C2CD3: variants seen among roughly 807,000 people sequenced by gnomAD.
C2CD3 encodes C2 domain containing 3 centriole elongation regulator.
In C2CD3, 148 loss-of-function variants were observed where a neutral mutation model predicts 234.0. The ratio of observed to expected loss-of-function variants is 0.63; its 90% CI spans 0.55 to 0.72. The LOEUF is 0.72. Among genes scored for constraint, C2CD3 ranks in the 30% least tolerant of loss-of-function variants. C2CD3 has a pLI of 0.00. For synonymous variants in C2CD3, 1,000 were observed against 1,035.4 expected, an observed-to-expected ratio of 0.97 and a Z score of 0.66; for missense variants, 2,577 against 2,811.5, an observed-to-expected ratio of 0.92 and a Z score of 1.89.
chr11:74,078,827 GA>G, intron 22 of C2CD3, 110 bp from the exon 23 acceptor site: 1 of 985,678 alleles, frequency 1.0e-6, no homozygotes, highest in Non-Finnish European at 1.5e-6. Flanking sequence ...AGACAGAACA[GA>G]AAACATACCC....
chr11:74,106,492 G>T lies in C2CD3; in HGVS notation c.1964C>A (p.Pro655Gln), dbSNP rs555646012. 3.7e-4 allele frequency: 601 copies of T among 1,613,058 alleles called. 6 individuals are homozygous for T. In the South Asian group the frequency reaches 5.4e-3, roughly 14 times the overall value. Residue 655 changes from proline (P) to glutamine (Q), a missense_variant and splice_region_variant, in exon 13 of 33, where the codon CCA becomes CAA. Pro to Gln is a moderately conservative substitution (Grantham distance 76). Transcript: ENST00000334126. ...IYVKKTPQKK[P>Q]EVIGSVSLSL... ...AAGTGACACAGATCCAATGACTTCT[G>T]GCTGAGAAAGAAGGAAAGAGAACAT...
Position 74,048,294 on chromosome 11 carries a change from A to C in C2CD3, c.5406T>G (p.Tyr1802Ter). Residue 1802 changes from tyrosine to a stop codon, truncating the protein, a stop_gained, in exon 28 of 33, where the codon TAT becomes TAG. Coordinates refer to ENST00000334126, the MANE Select transcript of C2CD3 (RefSeq NM_001286577.2). LOFTEE classifies it high-confidence loss of function. ...SPFSFPASDT[Y>*]AAFSSHMARQ... The stretch of plus-strand genomic sequence containing the variant: ...TTGCCATGTGGCTGGAGAATGCAGC[A>C]TACGTATCAGAGGCAGGGAAGGAAA... The C allele has an allele frequency of 6.2e-7, 1 of 1,613,870 alleles. No homozygotes were observed.
chr11:74,054,337 G>C (rs1043108405), intron 26 of C2CD3, among the ~76,000 whole-genome samples: 2 of 151,316 alleles, frequency 1.3e-5, no homozygotes, highest in African/African-American at 4.9e-5. Flanking sequence ...CGCTACTCAG[G>C]AGACTGAGAT....
chr11:74,112,868 G>A (rs1175291945), intron 11 of C2CD3, among the ~76,000 whole-genome samples: 1 of 152,228 alleles, frequency 6.6e-6, no homozygotes, highest in Non-Finnish European at 1.5e-5. Context: ...TGCAGCCACT[G>A]TTGAAAACAG....
In C2CD3 at chr11:74,137,404, C is replaced by A. The variant is rs1957899909; in HGVS notation, c.955+1316G>T. On this transcript the variant is annotated intron_variant, in intron 5 of 32. Transcript: ENST00000334126. ...AACTGCTTATTGAGTCAACAAATAT[C>A]TTTCCTAAAGTCTGGTGCTCAAGTC... Among the ~76,000 whole-genome samples, 4 of 151,962 alleles carry A rather than the reference C, an allele frequency of 2.6e-5. 1 individual carries two copies. The Middle Eastern group carries it at 0.01, about 388-fold the overall frequency.
At chr11:74,139,108 T>G (rs1957963237) in intron 4 of C2CD3, 141 bp from the exon 5 acceptor site, 3 of 624,832 alleles carry the variant, frequency 4.8e-6, no homozygotes, top group Non-Finnish European at 8.3e-6. Context: ...GCAATACAAC[T>G]TTGTAAATCT....
intron 3 of C2CD3, among the ~76,000 whole-genome samples, chr11:74,149,104 T>G (rs1436407812): frequency 6.6e-6 from 1 of 152,194 alleles, no homozygotes; most frequent in Non-Finnish European, 1.5e-5. Context: ...ATGTCTATAC[T>G]TTGACTTCTA....
chr11:74,027,137 C>T (rs975842452), intron 32 of C2CD3, among the ~76,000 whole-genome samples: 2 of 151,974 alleles, frequency 1.3e-5, no homozygotes, highest in African/African-American at 2.4e-5. Flanking sequence ...TATATAGTCT[C>T]GCTGTGTCAT....
At chr11:74,040,928 A>G (rs900448233) in intron 29 of C2CD3, among the ~76,000 whole-genome samples, 20 of 149,974 alleles carry the variant, frequency 1.3e-4, no homozygotes, top group African/African-American at 4.2e-4. Flanking sequence ...ACACACACGC[A>G]CACACACACA....
chr11:74,030,858 G>C (rs940002606), intron 31 of C2CD3, among the ~76,000 whole-genome samples: 5 of 152,286 alleles, frequency 3.3e-5, no homozygotes, highest in Non-Finnish European at 5.9e-5. Context: ...GATATCACCT[G>C]CCGGGTAACT....
At position 74,168,419 on chromosome 11, in the gene C2CD3, C is replaced by T. The variant is rs770965293; in HGVS notation, c.250G>A (p.Glu84Lys). The change falls in exon 2 of 33, where the codon GAA (glutamate) becomes AAA (lysine). Residue 84 changes from glutamate to lysine, a missense_variant. Glu to Lys is a moderately conservative substitution (Grantham distance 56). Coordinates refer to ENST00000334126, the MANE Select transcript of C2CD3 (RefSeq NM_001286577.2). ...GTAGTTGTTCTCACAGCTTTTGGTT[C>T]AGTCTGCAATGCATCCCTGGGACAA... ...LFCPRDALQT[E>K]PKAVRTTTRY... 5.6e-6 allele frequency: 9 copies of T among 1,614,038 alleles called. No homozygotes were observed. Among genetic ancestry groups the T allele is most frequent in the Non-Finnish European group, 7.6e-6 (9 of 1,179,976 alleles).
At chr11:74,059,809 C>T (rs55870513) in intron 24 of C2CD3, among the ~76,000 whole-genome samples, 11,356 of 152,212 alleles carry the variant, frequency 0.075, 1,376 homozygotes, top group African/African-American at 0.26. Context: ...GCCCATGGAA[C>T]AGGGCAGGGC....
intron 11 of C2CD3, among the ~76,000 whole-genome samples, chr11:74,112,006 T>C (rs1374206064): frequency 6.6e-6 from 1 of 151,538 alleles, no homozygotes; most frequent in African/African-American, 2.4e-5. Context: ...TATCTATCTA[T>C]AATGGCTTAA....
chr11:74,146,710 CCACA>C (rs141560536), intron 3 of C2CD3, among the ~76,000 whole-genome samples: 6,284 of 84,876 alleles, frequency 0.074, 225 homozygotes, highest in South Asian at 0.11. Flanking sequence ...AAAAGTCAAA[CCACA>C]CACACACACA....
intron 32 of C2CD3, among the ~76,000 whole-genome samples, chr11:74,014,080 A>G (rs1951791772): frequency 6.6e-6 from 1 of 152,186 alleles, no homozygotes; most frequent in South Asian, 2.1e-4. Context: ...TCTGGCTGAC[A>G]GGGCATCACT....
chr11:74,132,774 T>TC, intron 7 of C2CD3, 70 bp downstream of exon 7: 1 of 1,454,234 alleles, frequency 6.9e-7, no homozygotes, highest in Non-Finnish European at 9.5e-7. Context: ...GGAAGATGAA[T>TC]CTGATAACAA....
chr11:74,077,793 A>AATCTCT (rs1955115874), intron 23 of C2CD3, among the ~76,000 whole-genome samples: 1 of 10,920 alleles, frequency 9.2e-5, no homozygotes, highest in Non-Finnish European at 2.5e-4. Context: ...ATATATATAT[A>AATCTCT]TATATATATA....
chr11:74,117,005 T>G (rs186537106), intron 9 of C2CD3, among the ~76,000 whole-genome samples: 1 of 124,928 alleles, frequency 8.0e-6, no homozygotes, highest in Non-Finnish European at 1.7e-5. Context: ...TGTATATGTA[T>G]ATATACACAT....
intron 20 of C2CD3, among the ~76,000 whole-genome samples, chr11:74,090,448 T>C (rs1056205976): frequency 6.6e-6 from 1 of 152,030 alleles, no homozygotes; most frequent in African/African-American, 2.4e-5. Flanking sequence ...ACTAAAGGGG[T>C]GCAAGCTGGA....
Sources: allele counts gnomAD v4.1 joint callset (sites outside exome capture counted in the v4.1 genomes callset), GRCh38; gene constraint gnomAD v4.1.1; transcripts MANE v1.5; gene names NCBI Gene and HGNC (gene_info 2026-07-23, HGNC 2026-07-21).